CDH4: variants seen among roughly 807,000 people sequenced by gnomAD.
The protein encoded by CDH4 is cadherin-4.
In CDH4, 33 loss-of-function variants were observed where a neutral mutation model predicts 86.0. The observed-to-expected ratio is 0.38, with a 90% CI of 0.29 to 0.51. The LOEUF (loss-of-function observed/expected upper bound fraction) is 0.51, where lower values mean the gene tolerates loss of function less well. Among genes scored for constraint, CDH4 ranks in the 20% least tolerant of loss-of-function variants. The pLI, the probability that CDH4 is intolerant of heterozygous loss-of-function variation, is 0.86. For missense variants in CDH4, 1,114 were observed against 1,307.4 expected (o/e 0.85, Z 2.28); for synonymous variants, 555 against 549.4 (o/e 1.01, Z -0.14).
At chr20:61,795,224 A>G (rs960642368) in intron 4 of CDH4, among the ~76,000 whole-genome samples, 13 of 106,248 alleles carry the variant, frequency 1.2e-4, no homozygotes, top group Admixed American at 2.1e-4. Context: ...ACCAGCTACC[A>G]TGTGAGTTTC....
intron 2 of CDH4, among the ~76,000 whole-genome samples, chr20:61,629,836 C>A (rs986963632): frequency 3.3e-5 from 5 of 152,180 alleles, no homozygotes; most frequent in African/African-American, 9.7e-5. Flanking sequence ...TCCGATGCGG[C>A]GCCTTCCTTA....
At chr20:61,915,819 G>A (rs1246561502) in intron 9 of CDH4, among the ~76,000 whole-genome samples, 2 of 152,146 alleles carry the variant, frequency 1.3e-5, no homozygotes, top group Admixed American at 1.3e-4. Context: ...CGTGGGGCTG[G>A]CCGTGCTTCC....
At chr20:61,858,071 ATGTCTCTGTGTG>A (rs1408335696) in intron 6 of CDH4, among the ~76,000 whole-genome samples, 9 of 76,024 alleles carry the variant, frequency 1.2e-4, no homozygotes, top group South Asian at 4.1e-4. Context: ...GTGTCTGTAT[ATGTCTCTGTGTG>A]TGTCTCTGTG....
At chr20:61,714,845 A>G (rs1600903880) in intron 2 of CDH4, among the ~76,000 whole-genome samples, 1 of 152,210 alleles carries the variant, frequency 6.6e-6, no homozygotes, top group African/African-American at 2.4e-5. Flanking sequence ...TGTCTTTGCA[A>G]TTGTGAATTG....
At chr20:61,559,539 GAC>G (rs1460701835) in intron 2 of CDH4, among the ~76,000 whole-genome samples, 5 of 24,322 alleles carry the variant, frequency 2.1e-4, no homozygotes, top group African/African-American at 8.4e-4. Flanking sequence ...TTTTTTTTTT[GAC>G]ACAGAGTCTC....
At chr20:61,280,394 C>T (rs1600829413) in intron 2 of CDH4, among the ~76,000 whole-genome samples, 2 of 152,170 alleles carry the variant, frequency 1.3e-5, no homozygotes, top group South Asian at 4.1e-4. Flanking sequence ...AAGGCGGGGG[C>T]GTGTGACGCG....
chr20:61,621,360 G>A (rs1253498964), intron 2 of CDH4, among the ~76,000 whole-genome samples: 1 of 152,224 alleles, frequency 6.6e-6, no homozygotes, highest in African/African-American at 2.4e-5. Context: ...ACATGCCTCG[G>A]ATGAAAGTTC....
intron 2 of CDH4, among the ~76,000 whole-genome samples, chr20:61,727,796 A>C (rs1287163892): frequency 3.3e-5 from 5 of 152,292 alleles, no homozygotes; most frequent in Admixed American, 1.3e-4. Flanking sequence ...TAGGGAATTC[A>C]TGAGACATCT....
chr20:61,381,937 A>ATG (rs2084903958), intron 2 of CDH4, among the ~76,000 whole-genome samples: 1 of 150,798 alleles, frequency 6.6e-6, no homozygotes, highest in Non-Finnish European at 1.5e-5. Flanking sequence ...TTAGCCAGGC[A>ATG]TGGTGGCAGG....
rs1368221516 is a variant in CDH4, at chr20:61,383,407, T to C, written c.169+128470T>C. 2.0e-5 allele frequency among the ~76,000 whole-genome samples: 2 copies of C among 102,488 alleles called. 1 individual carries two copies. The highest frequency in any genetic ancestry group is 3.6e-5 in the Non-Finnish European group (2 of 56,326). 67.2% of individuals were successfully genotyped at this position (102,488 alleles called of 152,430 possible). A position where few individuals can be genotyped will look rare whatever the true frequency, so the allele number is the denominator to read the frequency against. On this transcript the variant is annotated intron_variant, in intron 2 of 15. Coordinates refer to ENST00000614565, the MANE Select transcript of CDH4 (RefSeq NM_001794.5). ...TATATGAATATATGATATATATGAA[T>C]ATATATGATATATATGATATATATC...
At chr20:61,869,901 C>A (rs1473819935) in intron 6 of CDH4, among the ~76,000 whole-genome samples, 1 of 152,236 alleles carries the variant, frequency 6.6e-6, no homozygotes, top group Non-Finnish European at 1.5e-5. Context: ...GAGAGCTGGG[C>A]CCCAGTGGGC....
chr20:61,898,183 A>G (rs1455131603), intron 8 of CDH4, among the ~76,000 whole-genome samples: 1 of 152,244 alleles, frequency 6.6e-6, no homozygotes, highest in Non-Finnish European at 1.5e-5. Context: ...AGGGGCCAGC[A>G]GGATGGCGAA....
chr20:61,496,475 G>A (rs902147056), intron 2 of CDH4, among the ~76,000 whole-genome samples: 1 of 151,922 alleles, frequency 6.6e-6, no homozygotes, highest in Non-Finnish European at 1.5e-5. Context: ...GCCCATCCCT[G>A]TATCCATTTT....
At chr20:61,366,776 A>G (rs567457511) in intron 2 of CDH4, among the ~76,000 whole-genome samples, 4 of 152,334 alleles carry the variant, frequency 2.6e-5, no homozygotes, top group Non-Finnish European at 5.9e-5. Flanking sequence ...ACCTTCCAGC[A>G]TGGGCGTTAT....
intron 2 of CDH4, among the ~76,000 whole-genome samples, chr20:61,670,431 G>A (rs2087373818): frequency 6.6e-6 from 1 of 152,198 alleles, no homozygotes; most frequent in African/African-American, 2.4e-5. Context: ...CTAGGCCATG[G>A]CCTCTGTGCA....
chr20:61,526,822 C>G (rs1177712533), intron 2 of CDH4, among the ~76,000 whole-genome samples: 1 of 152,136 alleles, frequency 6.6e-6, no homozygotes, highest in Admixed American at 6.5e-5. Context: ...AGTCTTACAT[C>G]AAGTTAAAAA....
At chr20:61,728,450 G>A (rs759470412) in intron 2 of CDH4, among the ~76,000 whole-genome samples, 5 of 152,138 alleles carry the variant, frequency 3.3e-5, no homozygotes, top group Admixed American at 6.5e-5. Context: ...GCCATGTCTG[G>A]AATGAGCAGG....
Position 61,924,391 on chromosome 20 carries a change from G to A in CDH4, c.1686G>A (p.Gln562=), listed in dbSNP as rs369038335. ...TGCACATCAATGCCACCAACGGCCA[G>A]ATCACCACGGCGGCAGTGCTGGACC... ...SWLHINATNG[Q]ITTAAVLDRE... is the part of the protein sequence containing the mutation. The change falls in exon 11 of 16, where the codon CAG becomes CAA. Residue 562 remains glutamine (Q), a synonymous_variant. Transcript: ENST00000614565. 1 of 1,613,640 alleles carries A rather than the reference G, an allele frequency of 6.2e-7. No individual in the cohort carries two copies. The highest frequency in any genetic ancestry group is 8.5e-7 in the Non-Finnish European group (1 of 1,179,924).
intron 2 of CDH4, among the ~76,000 whole-genome samples, chr20:61,352,860 G>A (rs1021716529): frequency 3.9e-5 from 6 of 152,020 alleles, no homozygotes; most frequent in South Asian, 2.1e-4. Flanking sequence ...CCATCACCCC[G>A]TGCACCTGTG....
Sources: gnomAD v4.1 joint callset for allele counts (sites outside exome capture counted in the v4.1 genomes callset) on GRCh38, gnomAD v4.1.1 for gene constraint, MANE v1.5 for transcripts, NCBI Gene and HGNC (gene_info 2026-07-23, HGNC 2026-07-21) for gene names.